ADAMTSL1: variants seen among roughly 807,000 people sequenced by gnomAD.
The protein encoded by ADAMTSL1 is ADAMTS-like protein 1.
In ADAMTSL1, 126 loss-of-function variants were observed where a neutral mutation model predicts 201.8. The ratio of observed to expected loss-of-function variants is 0.62; its 90% CI spans 0.54 to 0.72. The LOEUF is 0.72. ADAMTSL1 is among the 30% of genes least tolerant of loss of function. The pLI is 0.00. For missense variants in ADAMTSL1, 2,679 were observed against 2,277.8 expected, an observed-to-expected ratio of 1.18 and a Z score of -3.59; for synonymous variants, 1,121 against 903.4, an observed-to-expected ratio of 1.24 and a Z score of -4.32.
At chr9:18,391,394 TG>T (rs762069468) in intron 2 of ADAMTSL1, among the ~76,000 whole-genome samples, 11 of 152,272 alleles carry the variant, frequency 7.2e-5, no homozygotes, top group Admixed American at 2.6e-4. Flanking sequence ...ATAATGGAAA[TG>T]ATTTAAAGTC....
At chr9:18,730,475 T>C (rs938068065) in intron 15 of ADAMTSL1, among the ~76,000 whole-genome samples, 1 of 152,270 alleles carries the variant, frequency 6.6e-6, no homozygotes, top group African/African-American at 2.4e-5. Flanking sequence ...TTAGGTTATC[T>C]GCTGCAGGTG....
chr9:17,968,406 C>G (rs1035956636), intron 1 of ADAMTSL1, among the ~76,000 whole-genome samples: 3 of 152,116 alleles, frequency 2.0e-5, no homozygotes, highest in African/African-American at 7.2e-5. Context: ...ATTGCTTACT[C>G]ATGCTATAGA....
chr9:17,978,605 G>A (rs1056728564), intron 1 of ADAMTSL1, among the ~76,000 whole-genome samples: 1 of 151,868 alleles, frequency 6.6e-6, no homozygotes, highest in African/African-American at 2.4e-5. Flanking sequence ...TGTTTTTACT[G>A]TCATAAATTA....
rs184997612 is a variant in ADAMTSL1, at chr9:18,086,015, G to A, written c.88-77847G>A. Reference sequence around the variant, plus strand: ...GATGAGCACAGATTGGGTATGAGGTGTAAGAGTCGAGGAAGACTGCAGGCC... The same window carrying A: ...GATGAGCACAGATTGGGTATGAGGTATAAGAGTCGAGGAAGACTGCAGGCC... On this transcript the variant is annotated intron_variant, in intron 1 of 29. Coordinates refer to the ADAMTSL1 transcript ENST00000680146. Among the ~76,000 whole-genome samples the A allele has an allele frequency of 9.2e-5, 14 of 152,238 alleles. No homozygotes were observed. The South Asian group carries it at 1.5e-3, about 16-fold the overall frequency.
intron 2 of ADAMTSL1, among the ~76,000 whole-genome samples, chr9:18,258,750 T>G (rs1280167305): frequency 6.6e-6 from 1 of 152,178 alleles, no homozygotes; most frequent in Non-Finnish European, 1.5e-5. Flanking sequence ...AGCCTGCAAA[T>G]TCTGCCTGGT....
At chr9:18,643,783 T>C (rs1374785569) in intron 7 of ADAMTSL1, among the ~76,000 whole-genome samples, 1 of 152,052 alleles carries the variant, frequency 6.6e-6, no homozygotes, top group Non-Finnish European at 1.5e-5. Flanking sequence ...TTACTATAGC[T>C]TTTCAGTAGA....
At chr9:18,157,493 T>G (rs921732490) in intron 1 of ADAMTSL1, among the ~76,000 whole-genome samples, 2 of 151,956 alleles carry the variant, frequency 1.3e-5, no homozygotes, top group East Asian at 1.9e-4. Flanking sequence ...TTCAGCTACA[T>G]CTGGTCACCT....
rs528315671 is a variant in ADAMTSL1 at position 18,704,064 on chromosome 9, C to T, written c.1575-2683C>T. Among the ~76,000 whole-genome samples, 33 of 152,086 alleles carry T rather than the reference C, an allele frequency of 2.2e-4. 1 individual carries two copies. Among genetic ancestry groups the T allele is most frequent in the African/African-American group, 7.7e-4 (32 of 41,476 alleles). ...TGAGGATTATCTATAGATCTCAATG[C>T]GTTTGTATCTCTACCAAATGTTTTT... On this transcript the variant is annotated intron_variant, in intron 13 of 28. Coordinates refer to ENST00000380548, the MANE Select transcript of ADAMTSL1 (RefSeq NM_001040272.6).
intron 1 of ADAMTSL1, among the ~76,000 whole-genome samples, chr9:17,979,893 T>G (rs372023589): frequency 6.6e-6 from 1 of 152,082 alleles, no homozygotes; most frequent in East Asian, 1.9e-4. Flanking sequence ...CCTGAGTTAA[T>G]GGGTGGGTAG....
At chr9:18,256,350 A>G (rs1831685974) in intron 2 of ADAMTSL1, among the ~76,000 whole-genome samples, 1 of 152,168 alleles carries the variant, frequency 6.6e-6, no homozygotes, top group Non-Finnish European at 1.5e-5. Context: ...AAGAAAGGGC[A>G]ACTTAGACCC....
rs2133301953 is a variant in ADAMTSL1, at chr9:18,701,286, C to G, written c.1575-5461C>G. Among the ~76,000 whole-genome samples the G allele has an allele frequency of 1.4e-5, 2 of 138,798 alleles. 1 individual carries two copies. The highest frequency in any genetic ancestry group is 4.7e-4 in the South Asian group (2 of 4,294). The allele number at this position is 138,798 out of a possible 152,430, so 91.1% of individuals were successfully genotyped here. A position where few individuals can be genotyped will look rare whatever the true frequency, so the allele number is the denominator to read the frequency against. ...GCAGGCTGGAATACAGTAGCAAGAT[C>G]TCAGCTCACTGCAACCTCCACCTCC... On this transcript the variant is annotated intron_variant, in intron 13 of 28. Transcript: ENST00000380548.
chr9:18,080,676 T>C (rs1026674330), intron 1 of ADAMTSL1, among the ~76,000 whole-genome samples: 8 of 152,222 alleles, frequency 5.3e-5, no homozygotes, highest in African/African-American at 1.7e-4. Flanking sequence ...AAACCCACTA[T>C]GTGTTAGACA....
At chr9:18,675,762 CATTTGTATTAAAA>C in intron 9 of ADAMTSL1, 82 bp from the exon 10 acceptor site, 1 of 1,058,448 alleles carries the variant, frequency 9.4e-7, no homozygotes, top group South Asian at 1.4e-5. Context: ...TGTTATTTTG[CATTTGTATTAAAA>C]ATTTGTATAA....
chr9:18,201,283 A>G (rs72684905), intron 2 of ADAMTSL1, among the ~76,000 whole-genome samples: 4,986 of 152,188 alleles, frequency 0.033, 119 homozygotes, highest in Non-Finnish European at 0.054. Context: ...TTTGAGCAAT[A>G]AATTTGATGA....
At chr9:18,579,397 A>G (rs2132400441) in intron 4 of ADAMTSL1, among the ~76,000 whole-genome samples, 1 of 148,728 alleles carries the variant, frequency 6.7e-6, no homozygotes, top group South Asian at 2.2e-4. Context: ...CTAATGCTAG[A>G]TGACGAGTTA....
At chr9:18,139,129 C>G (rs1292250650) in intron 1 of ADAMTSL1, among the ~76,000 whole-genome samples, 1 of 152,124 alleles carries the variant, frequency 6.6e-6, no homozygotes, top group Non-Finnish European at 1.5e-5. Flanking sequence ...GACTGATTGA[C>G]TGATTGATTC....
intron 1 of ADAMTSL1, among the ~76,000 whole-genome samples, chr9:18,097,355 T>C (rs1172290312): frequency 6.6e-6 from 1 of 152,376 alleles, no homozygotes; most frequent in Non-Finnish European, 1.5e-5. Flanking sequence ...TCTGAGATTT[T>C]AGCAGTAACA....
intron 26 of ADAMTSL1, 57 bp downstream of exon 26, chr9:18,892,653 C>G: frequency 6.6e-7 from 1 of 1,517,958 alleles, no homozygotes; most frequent in Non-Finnish European, 8.9e-7. Flanking sequence ...TGGACCCTGC[C>G]ACAGTAGGAA....
intron 19 of ADAMTSL1, among the ~76,000 whole-genome samples, chr9:18,790,508 A>G (rs1229611978): frequency 6.6e-6 from 1 of 152,144 alleles, no homozygotes; most frequent in Admixed American, 6.5e-5. Context: ...CCTTTGTTTC[A>G]AATAAGAGCC....
Sources: gnomAD v4.1 joint callset for allele counts (sites outside exome capture counted in the v4.1 genomes callset) on GRCh38, gnomAD v4.1.1 for gene constraint, MANE v1.5 for transcripts, NCBI Gene and HGNC (gene_info 2026-07-23, HGNC 2026-07-21) for gene names.